The following CLTCL1 variants were observed in gnomAD, a reference collection of about 807,000 sequenced individuals.
The protein encoded by CLTCL1 is clathrin heavy chain like 1, also known as clathrin heavy chain 2.
CLTCL1 carries 159 observed loss-of-function variants against 190.0 expected under a neutral mutation model. The ratio of observed to expected loss-of-function variants is 0.84; its 90% CI spans 0.74 to 0.95. The LOEUF is 0.95. CLTCL1 is among the 40% of genes least tolerant of loss of function. CLTCL1 has a pLI of 0.00. For synonymous variants in CLTCL1, 752 were observed against 769.6 expected (o/e 0.98, Z 0.38); for missense variants, 1,878 against 2,033.4 (o/e 0.92, Z 1.47).
chr22:19,229,919 C>A lies in CLTCL1; in HGVS notation c.1701G>T (p.Leu567Phe), dbSNP rs1415645159. 2 of 1,611,292 alleles carry A rather than the reference C, an allele frequency of 1.2e-6. No individual in the cohort carries two copies. The highest frequency in any genetic ancestry group is 1.7e-6 in the Non-Finnish European group (2 of 1,178,884). ...SLIQQCTSFL[L>F]DALKNNRPAE... ...CTGGGCGATTATTCTTCAAGGCATCCAATAAGAAGGAAGTACACTGCTGAA... is the reference window on the plus strand; with the variant it reads ...CTGGGCGATTATTCTTCAAGGCATCAAATAAGAAGGAAGTACACTGCTGAA... The change falls in exon 11 of 33, where the codon TTG (leucine) becomes TTT (phenylalanine). Residue 567 changes from leucine (L) to phenylalanine (F), a missense_variant. Physicochemically the swap from Leu to Phe is conservative, Grantham distance 22. Transcript: ENST00000427926.
chr22:19,180,826 C>G lies in CLTCL1; in HGVS notation c.4828-20G>C, dbSNP rs1555925521. 1 of 1,612,038 alleles carries G rather than the reference C, an allele frequency of 6.2e-7. No individual in the cohort carries two copies. The highest frequency in any genetic ancestry group is 2.2e-5 in the East Asian group (1 of 44,896). ...GTCCACCTGCAAGGAGGCAAAAGCA[C>G]GTGAGCACCCGCTTGACAGAGTGCA... On this transcript the variant is annotated intron_variant, in intron 30 of 32. Transcript: ENST00000427926.
chr22:19,232,370 C>T, intron 10 of CLTCL1, 106 bp downstream of exon 10: 1 of 1,467,020 alleles, frequency 6.8e-7, no homozygotes, highest in Non-Finnish European at 9.3e-7. Context: ...AGATTAATAG[C>T]AGATGAAGAA....
chr22:19,251,289 A>G (rs1555969914), intron 3 of CLTCL1, among the ~76,000 whole-genome samples: 1 of 152,156 alleles, frequency 6.6e-6, no homozygotes, highest in Non-Finnish European at 1.5e-5. Context: ...GCAAATGTTT[A>G]GGAACACAAT....
chr22:19,181,845 G>A (rs945382599), intron 30 of CLTCL1: 3 of 152,236 alleles, frequency 2.0e-5, no homozygotes, highest in Non-Finnish European at 4.4e-5. Context: ...GCAGGAATAG[G>A]TGGGTGGCAG....
intron 1 of CLTCL1, among the ~76,000 whole-genome samples, chr22:19,278,856 C>T (rs1261596475): frequency 6.6e-6 from 1 of 152,198 alleles, no homozygotes; most frequent in Non-Finnish European, 1.5e-5. Context: ...ATTCTCCAGC[C>T]TCAGCCTCCT....
intron 5 of CLTCL1, 87 bp downstream of exon 5, chr22:19,239,188 G>C (rs2086172189): frequency 2.9e-6 from 3 of 1,019,212 alleles, no homozygotes; most frequent in Non-Finnish European, 4.6e-6. Context: ...AGCAGAAGCA[G>C]ACTAAAAATG....
chr22:19,221,858 C>T, intron 16 of CLTCL1, 93 bp downstream of exon 16: 2 of 1,412,698 alleles, frequency 1.4e-6, no homozygotes, highest in Non-Finnish European at 1.9e-6. Flanking sequence ...CATGAACGAC[C>T]AGCTATAGAG....
intron 15 of CLTCL1, among the ~76,000 whole-genome samples, chr22:19,222,308 G>T (rs879951822): frequency 6.6e-6 from 1 of 152,192 alleles, no homozygotes; most frequent in East Asian, 1.9e-4. Context: ...CAAGGGTGGG[G>T]CCCTAATGTA....
At chr22:19,269,066 G>A (rs2087215685) in intron 2 of CLTCL1, among the ~76,000 whole-genome samples, 1 of 150,260 alleles carries the variant, frequency 6.7e-6, no homozygotes, top group African/African-American at 2.5e-5. Flanking sequence ...CTCCAGCCTG[G>A]GTGACAGAGC....
In CLTCL1 at chr22:19,257,886, C is replaced by A; in HGVS notation, c.251-3659G>T. The A allele has an allele frequency of 2.2e-6, 3 of 1,387,972 alleles. No individual in the cohort carries two copies. The South Asian group carries it at 3.4e-5, about 16-fold the overall frequency. The allele number at this position is 1,387,972 out of a possible 1,614,324, so 86.0% of individuals were successfully genotyped here. A position where few individuals can be genotyped will look rare whatever the true frequency, so the allele number is the denominator to read the frequency against. On this transcript the variant is annotated intron_variant, in intron 2 of 32. Coordinates refer to ENST00000427926, the MANE Select transcript of CLTCL1 (RefSeq NM_007098.4). ...GGAGCACCTGGAGAAGAAGAGACCC[C>A]AGGTCAGAGACTGGGCCATTACTTC...
chr22:19,212,659 G>GAAAGA (rs1555947579), intron 19 of CLTCL1, among the ~76,000 whole-genome samples: 44 of 149,774 alleles, frequency 2.9e-4, no homozygotes, highest in African/African-American at 1.0e-3. Context: ...AAGAAAGAAA[G>GAAAGA]AAAGAAAAGA....
intron 1 of CLTCL1, among the ~76,000 whole-genome samples, chr22:19,289,114 G>A (rs1393297932): frequency 6.6e-6 from 1 of 152,164 alleles, no homozygotes; most frequent in Non-Finnish European, 1.5e-5. Context: ...CTCCTGACTA[G>A]CTGGGACTAC....
chr22:19,180,838 C>T, intron 30 of CLTCL1, 32 bp from the exon 31 acceptor site: 1 of 1,601,750 alleles, frequency 6.2e-7, no homozygotes, highest in Non-Finnish European at 8.6e-7. Context: ...TGAGCACCCG[C>T]TTGACAGAGT....
chr22:19,223,416 A>C (rs2085639397), intron 14 of CLTCL1, among the ~76,000 whole-genome samples: 2 of 139,632 alleles, frequency 1.4e-5, no homozygotes, highest in Admixed American at 1.5e-4. Flanking sequence ...CCCTTCCTCT[A>C]GCTGACTGGG....
chr22:19,217,615 CAAA>C (rs71184793), intron 18 of CLTCL1, among the ~76,000 whole-genome samples: 111 of 34,770 alleles, frequency 3.2e-3, no homozygotes, highest in African/African-American at 9.3e-3. Flanking sequence ...GACTCTGTCT[CAAA>C]AAAAAAAAAA....
intron 3 of CLTCL1, among the ~76,000 whole-genome samples, chr22:19,253,236 G>T (rs2086652013): frequency 1.3e-5 from 2 of 152,092 alleles, no homozygotes; most frequent in South Asian, 4.1e-4. Flanking sequence ...AATACCTACA[G>T]TGCAGACACA....
intron 3 of CLTCL1, among the ~76,000 whole-genome samples, chr22:19,250,190 G>A (rs1302063702): frequency 6.6e-6 from 1 of 152,104 alleles, no homozygotes; most frequent in Non-Finnish European, 1.5e-5. Flanking sequence ...GAAGGTGGAG[G>A]TTGCAGTGAG....
intron 2 of CLTCL1, among the ~76,000 whole-genome samples, chr22:19,267,130 T>C (rs1054854534): frequency 6.6e-6 from 1 of 152,020 alleles, no homozygotes; most frequent in African/African-American, 2.4e-5. Flanking sequence ...AATAAGTATA[T>C]AGGATACAGA....
chr22:19,235,475 C>A (rs189259951), intron 6 of CLTCL1, among the ~76,000 whole-genome samples: 1 of 152,128 alleles, frequency 6.6e-6, no homozygotes, highest in Admixed American at 6.5e-5. Flanking sequence ...CTGTTCTATA[C>A]GCAGGAAGGA....
Sources: allele counts gnomAD v4.1 joint callset (sites outside exome capture counted in the v4.1 genomes callset), GRCh38; gene constraint gnomAD v4.1.1; transcripts MANE v1.5; gene names NCBI Gene and HGNC (gene_info 2026-07-23, HGNC 2026-07-21).